The following PRLR variants were observed in gnomAD, a reference collection of about 807,000 sequenced individuals.
PRLR encodes prolactin receptor, also known as hPRL receptor.
In PRLR, 13 loss-of-function variants were observed where a neutral mutation model predicts 40.2. The observed-to-expected ratio is 0.32, with a 90% CI of 0.21 to 0.51. PRLR has a LOEUF of 0.51. Among genes scored for constraint, PRLR ranks in the 20% least tolerant of loss-of-function variants. The probability of loss-of-function intolerance (pLI) is 0.97; values close to 1 mark genes in which losing one functional copy is unlikely to be tolerated. For synonymous variants in PRLR, 269 were observed against 278.7 expected (o/e 0.97, Z 0.35); for missense variants, 656 against 747.3 (o/e 0.88, Z 1.42).
chr5:35,212,807 C>A (rs1269256472), intron 1 of PRLR, among the ~76,000 whole-genome samples: 1 of 152,172 alleles, frequency 6.6e-6, no homozygotes, highest in African/African-American at 2.4e-5. Context: ...GGGTCAAGAT[C>A]TAAATTTTGA....
rs139015137 is a variant in PRLR at position 35,198,188 on chromosome 5, C to T, written c.-106+32080G>A. ...TTTTGTTGACACCTCAGTGCCGCTC[C>T]GACTGCAATGCTGCTGGCAGGAAGA... On this transcript the variant is annotated intron_variant, in intron 1 of 9. Transcript: ENST00000618457. Among the ~76,000 whole-genome samples, 85 of 152,364 alleles carry T rather than the reference C, an allele frequency of 5.6e-4. 1 individual carries two copies. The highest frequency in any genetic ancestry group is 1.1e-3 in the Non-Finnish European group (75 of 68,036).
intron 1 of PRLR, among the ~76,000 whole-genome samples, chr5:35,227,724 G>A (rs902502303): frequency 6.6e-6 from 1 of 152,182 alleles, no homozygotes; most frequent in Non-Finnish European, 1.5e-5. Flanking sequence ...CATGGAGAGA[G>A]AGTACATGCT....
At chr5:35,089,392 C>T (rs1433037941) in intron 3 of PRLR, among the ~76,000 whole-genome samples, 159 bp downstream of exon 3, 2 of 152,188 alleles carry the variant, frequency 1.3e-5, no homozygotes, top group Non-Finnish European at 2.9e-5. Context: ...AATTTTTCTG[C>T]ATTAACTTTA....
At chr5:35,107,763 G>C (rs1034733102) in intron 2 of PRLR, among the ~76,000 whole-genome samples, 2 of 152,026 alleles carry the variant, frequency 1.3e-5, no homozygotes, top group African/African-American at 4.8e-5. Flanking sequence ...AAGTCCAGGA[G>C]CAGACGGATT....
intron 6 of PRLR, among the ~76,000 whole-genome samples, chr5:35,071,977 C>T (rs1043239390): frequency 1.3e-5 from 2 of 151,596 alleles, no homozygotes; most frequent in African/African-American, 4.9e-5. Flanking sequence ...CTCACTGAAA[C>T]CTCCGCCTCC....
At chr5:35,168,813 G>A (rs1462731752) in intron 1 of PRLR, among the ~76,000 whole-genome samples, 2 of 152,080 alleles carry the variant, frequency 1.3e-5, no homozygotes, top group Non-Finnish European at 2.9e-5. Flanking sequence ...CATACTGCGA[G>A]TTGATAAAAC....
At chr5:35,164,268 G>C (rs952323935) in intron 1 of PRLR, among the ~76,000 whole-genome samples, 5 of 152,206 alleles carry the variant, frequency 3.3e-5, no homozygotes, top group African/African-American at 1.2e-4. Flanking sequence ...TCTAGTGGAG[G>C]ACACAGGCAA....
intron 1 of PRLR, among the ~76,000 whole-genome samples, chr5:35,184,175 C>T (rs563825178): frequency 6.6e-6 from 1 of 152,290 alleles, no homozygotes; most frequent in Admixed American, 6.5e-5. Flanking sequence ...AAAAGGTTAT[C>T]CTCAGAAGAG....
At chr5:35,087,422 T>TGTG (rs1561284886) in intron 3 of PRLR, among the ~76,000 whole-genome samples, 5 of 140,854 alleles carry the variant, frequency 3.5e-5, no homozygotes, top group Non-Finnish European at 7.7e-5. Flanking sequence ...TCTCTTTCCT[T>TGTG]TGTGTGTGTG....
chr5:35,075,427 G>A (rs1770016718), intron 5 of PRLR, among the ~76,000 whole-genome samples: 2 of 152,230 alleles, frequency 1.3e-5, no homozygotes, highest in Non-Finnish European at 2.9e-5. Context: ...AGCCCATGGA[G>A]CCTTGCTCAC....
chr5:35,155,515 T>G (rs1774465667), intron 1 of PRLR, among the ~76,000 whole-genome samples: 1 of 152,140 alleles, frequency 6.6e-6, no homozygotes, highest in Non-Finnish European at 1.5e-5. Flanking sequence ...AATAAGGGTA[T>G]GAATTATAAT....
Position 35,178,708 on chromosome 5 carries a change from T to G in PRLR, c.-106+51560A>C, listed in dbSNP as rs548377777. On this transcript the variant is annotated intron_variant, in intron 1 of 9. Transcript: ENST00000618457. Reference sequence around the variant, plus strand: ...CTGTGAATAAATCAAAACCACATTTTAACAATGCACCAAACCTTTTTAGAA... The same window carrying G: ...CTGTGAATAAATCAAAACCACATTTGAACAATGCACCAAACCTTTTTAGAA... Among the ~76,000 whole-genome samples, 13 of 152,302 alleles carry G rather than the reference T, an allele frequency of 8.5e-5. No individual in the cohort carries two copies. In the South Asian group the frequency reaches 2.5e-3, roughly 29 times the overall value.
At chr5:35,153,937 G>A (rs2111875145) in intron 1 of PRLR, among the ~76,000 whole-genome samples, 1 of 152,218 alleles carries the variant, frequency 6.6e-6, no homozygotes. Context: ...TTGGTAACCA[G>A]GATCCTTGCC....
At chr5:35,072,078 A>G (rs1769781438) in intron 6 of PRLR, among the ~76,000 whole-genome samples, 1 of 151,616 alleles carries the variant, frequency 6.6e-6, no homozygotes, top group African/African-American at 2.4e-5. Flanking sequence ...TTGTACTTTT[A>G]GTAGAGATGG....
chr5:35,182,008 T>G (rs1775308283), intron 1 of PRLR, among the ~76,000 whole-genome samples: 1 of 152,108 alleles, frequency 6.6e-6, no homozygotes, highest in South Asian at 2.1e-4. Context: ...CTGCATTTGT[T>G]GATGATTTTT....
intron 1 of PRLR, among the ~76,000 whole-genome samples, chr5:35,156,050 A>G (rs748258416): frequency 2.0e-5 from 3 of 151,612 alleles, no homozygotes; most frequent in Non-Finnish European, 4.4e-5. Context: ...AATACAGTTT[A>G]TAAGTGTGTT....
chr5:35,180,356 C>T (rs956669788), intron 1 of PRLR, among the ~76,000 whole-genome samples: 26 of 152,242 alleles, frequency 1.7e-4, no homozygotes, highest in South Asian at 8.3e-4. Context: ...GTGCTCTCTT[C>T]GTGATAGTGA....
chr5:35,112,500 G>A (rs1004767464), intron 2 of PRLR, among the ~76,000 whole-genome samples: 4 of 152,130 alleles, frequency 2.6e-5, no homozygotes, highest in African/African-American at 7.2e-5. Context: ...GGGAAAGAGG[G>A]TAGAGAAAGA....
Position 35,144,123 on chromosome 5 carries a change from C to CAAAAAAAAAAAAAAAAAAAAA in PRLR, c.-105-26002_-105-26001insTTTTTTTTTTTTTTTTTTTTT. ...ATGCCACAGATTTTCAACAAGCTTC[C>CAAAAAAAAAAAAAAAAAAAAA]AAAAAAAAAAAAAAAAAAACCCAGA... On this transcript the variant is annotated intron_variant, in intron 1 of 9. Transcript: ENST00000618457. Among the ~76,000 whole-genome samples, 2 of 109,090 alleles carry CAAAAAAAAAAAAAAAAAAAAA rather than the reference C, an allele frequency of 1.8e-5. 1 individual carries two copies. The highest frequency in any genetic ancestry group is 2.0e-4 in the Admixed American group (2 of 10,098). 71.6% of individuals were successfully genotyped at this position (109,090 alleles called of 152,430 possible).
Sources: gnomAD v4.1 joint callset for allele counts (sites outside exome capture counted in the v4.1 genomes callset) on GRCh38, gnomAD v4.1.1 for gene constraint, MANE v1.5 for transcripts, NCBI Gene and HGNC (gene_info 2026-07-23, HGNC 2026-07-21) for gene names.